The following CNTNAP2 variants were observed in gnomAD, a reference collection of about 807,000 sequenced individuals.
CNTNAP2 encodes contactin-associated protein-like 2.
In CNTNAP2, 98 loss-of-function variants were observed where a neutral mutation model predicts 155.2. The ratio of observed to expected loss-of-function variants is 0.63; its 90% CI spans 0.54 to 0.75. The LOEUF (loss-of-function observed/expected upper bound fraction) is 0.75. Among genes scored for constraint, CNTNAP2 ranks in the 30% least tolerant of loss-of-function variants. The probability of loss-of-function intolerance (pLI) is 0.00; values close to 1 mark genes in which losing one functional copy is unlikely to be tolerated. For missense variants in CNTNAP2, 1,727 were observed against 1,688.1 expected, an observed-to-expected ratio of 1.02 and a Z score of -0.40; for synonymous variants, 651 against 631.2, an observed-to-expected ratio of 1.03 and a Z score of -0.47.
intron 8 of CNTNAP2, among the ~76,000 whole-genome samples, chr7:147,168,072 T>TAAAA (rs1802153281): frequency 6.7e-6 from 1 of 148,802 alleles, no homozygotes; most frequent in Non-Finnish European, 1.5e-5. Flanking sequence ...CATATATATA[T>TAAAA]TTATACATAT....
At chr7:147,366,615 T>C (rs1156573318) in intron 9 of CNTNAP2, among the ~76,000 whole-genome samples, 1 of 152,114 alleles carries the variant, frequency 6.6e-6, no homozygotes, top group Non-Finnish European at 1.5e-5. Context: ...TTAGTATAAG[T>C]AAAACAATAA....
chr7:147,011,190 G>A (rs1002031574), intron 3 of CNTNAP2, among the ~76,000 whole-genome samples: 9 of 151,994 alleles, frequency 5.9e-5, no homozygotes, highest in African/African-American at 1.9e-4. Context: ...GAGGCAGGTG[G>A]ATCACCTGAG....
chr7:147,915,175 A>G (rs368874362), intron 14 of CNTNAP2, among the ~76,000 whole-genome samples: 5 of 152,222 alleles, frequency 3.3e-5, no homozygotes, highest in African/African-American at 1.2e-4. Context: ...TCACATCATC[A>G]ACAACAAAAC....
chr7:147,475,518 G>C (rs1018624465), intron 10 of CNTNAP2, among the ~76,000 whole-genome samples: 3 of 150,568 alleles, frequency 2.0e-5, no homozygotes, highest in African/African-American at 7.3e-5. Flanking sequence ...CAATTATATT[G>C]TTTCTTATTA....
chr7:147,791,455 T>C (rs55990921), intron 13 of CNTNAP2, among the ~76,000 whole-genome samples: 139 of 67,176 alleles, frequency 2.1e-3, no homozygotes, highest in African/African-American at 4.3e-3. Context: ...CTCTCTCTCT[T>C]TTTTTTTTTT....
At chr7:146,408,053 T>C (rs543347914) in intron 1 of CNTNAP2, among the ~76,000 whole-genome samples, 1 of 152,242 alleles carries the variant, frequency 6.6e-6, no homozygotes, top group South Asian at 2.1e-4. Flanking sequence ...AGTAGTTAAG[T>C]TTTGGGAGAG....
intron 12 of CNTNAP2, among the ~76,000 whole-genome samples, chr7:147,595,001 G>A (rs1800801862): frequency 6.6e-6 from 1 of 152,206 alleles, no homozygotes; most frequent in South Asian, 2.1e-4. Context: ...TGTGAAAGGA[G>A]AGCAAAGGAT....
intron 1 of CNTNAP2, among the ~76,000 whole-genome samples, chr7:146,731,556 T>G (rs1299815661): frequency 6.6e-6 from 1 of 152,080 alleles, no homozygotes; most frequent in Non-Finnish European, 1.5e-5. Context: ...TCAAGAAACC[T>G]TTCATAAATC....
chr7:147,918,733 A>G (rs1269224292), intron 14 of CNTNAP2, among the ~76,000 whole-genome samples: 1 of 152,198 alleles, frequency 6.6e-6, no homozygotes, highest in Non-Finnish European at 1.5e-5. Flanking sequence ...AATAATTCTA[A>G]AGACAGAAAT....
chr7:147,126,478 A>G (rs1232969361), intron 6 of CNTNAP2, among the ~76,000 whole-genome samples: 1 of 152,042 alleles, frequency 6.6e-6, no homozygotes, highest in African/African-American at 2.4e-5. Context: ...TTATTTTATT[A>G]TTATTAATAT....
chr7:146,933,907 G>T (rs1344698507), intron 3 of CNTNAP2, among the ~76,000 whole-genome samples: 2 of 151,656 alleles, frequency 1.3e-5, no homozygotes, highest in African/African-American at 4.8e-5. Flanking sequence ...TCTCACACCA[G>T]TTAGAATGGC....
chr7:147,736,671 G>A (rs1445359871), intron 13 of CNTNAP2, among the ~76,000 whole-genome samples: 1 of 152,202 alleles, frequency 6.6e-6, no homozygotes, highest in East Asian at 1.9e-4. Context: ...ATCAGACGTA[G>A]ATTTGGTCTT....
At chr7:146,210,803 A>G (rs1204176887) in intron 1 of CNTNAP2, among the ~76,000 whole-genome samples, 4 of 151,584 alleles carry the variant, frequency 2.6e-5, no homozygotes, top group African/African-American at 7.3e-5. Context: ...TGCACTGTGA[A>G]TGGGTTGTCG....
chr7:147,129,142 C>A (rs917869738), intron 7 of CNTNAP2, among the ~76,000 whole-genome samples: 1 of 152,154 alleles, frequency 6.6e-6, no homozygotes, highest in Admixed American at 6.6e-5. Context: ...AGCCCTTAAA[C>A]CGGCAGCATC....
chr7:146,546,070 G>A (rs1218191933), intron 1 of CNTNAP2, among the ~76,000 whole-genome samples: 1 of 151,908 alleles, frequency 6.6e-6, no homozygotes, highest in African/African-American at 2.4e-5. Flanking sequence ...ATAAGAAATG[G>A]AACATCCTCC....
intron 15 of CNTNAP2, among the ~76,000 whole-genome samples, chr7:148,050,583 A>C (rs1205556162): frequency 6.6e-6 from 1 of 151,162 alleles, no homozygotes; most frequent in East Asian, 1.9e-4. Context: ...GTATTAAAGA[A>C]AAGTATTTTT....
chr7:146,435,790 CACA>C (rs1235586667), intron 1 of CNTNAP2, among the ~76,000 whole-genome samples: 1 of 152,098 alleles, frequency 6.6e-6, no homozygotes, highest in African/African-American at 2.4e-5. Context: ...TTCCTCTCCT[CACA>C]ACAAGATATG....
chr7:148,076,422 C>CTTTTTTGTTT (rs1803486912), intron 15 of CNTNAP2, among the ~76,000 whole-genome samples: 1 of 49,802 alleles, frequency 2.0e-5, no homozygotes, highest in Non-Finnish European at 3.4e-5. Flanking sequence ...GCTCTGACTT[C>CTTTTTTGTTT]TTTTTTTTTT....
chr7:147,011,055 A>T (rs1039637440), intron 3 of CNTNAP2, among the ~76,000 whole-genome samples: 2 of 151,984 alleles, frequency 1.3e-5, no homozygotes, highest in African/African-American at 4.8e-5. Context: ...CCTGAATTTC[A>T]TCCTGAGGAA....
Sources: gnomAD v4.1 joint callset for allele counts (sites outside exome capture counted in the v4.1 genomes callset) on GRCh38, gnomAD v4.1.1 for gene constraint, MANE v1.5 for transcripts, NCBI Gene and HGNC (gene_info 2026-07-23, HGNC 2026-07-21) for gene names.